Variants in TMEM19 observed in about 807,000 individuals in gnomAD.
TMEM19 encodes transmembrane protein 19.
A neutral mutation model predicts 33.6 loss-of-function variants in TMEM19; 21 were observed. That is an observed-to-expected ratio of 0.62 (90% CI 0.44 to 0.90). TMEM19 has a LOEUF of 0.90. Among genes scored for constraint, TMEM19 ranks in the 40% least tolerant of loss-of-function variants. The probability of loss-of-function intolerance (pLI) is 0.00; values close to 1 mark genes in which losing one functional copy is unlikely to be tolerated. For synonymous variants in TMEM19, 149 were observed against 147.5 expected, an observed-to-expected ratio of 1.01 and a Z score of -0.07; for missense variants, 402 against 401.8, an observed-to-expected ratio of 1.00 and a Z score of 0.00.
intron 5 of TMEM19, 82 bp from the exon 6 acceptor site, chr12:71,700,750 T>TAAAA (rs367801163): frequency 7.3e-6 from 8 of 1,089,182 alleles, no homozygotes; most frequent in Admixed American, 3.4e-5. Flanking sequence ...TAAAGTATAA[T>TAAAA]AAAAAAAAAA....
Position 71,686,712 on chromosome 12 carries a change from G to A in TMEM19, c.32G>A (p.Arg11Lys). ...GATCTTAACGACAATATATGCAAAA[G>A]ATATATAAAGATGATAACTAATATA... is the stretch of plus-strand genomic sequence containing the variant. MTDLNDNICK[R>K]YIKMITNIVI... Residue 11 changes from arginine to lysine, a missense_variant, in exon 1 of 6, where the codon AGA becomes AAA. Arg to Lys is a conservative substitution (Grantham distance 26). Coordinates refer to ENST00000266673, the MANE Select transcript of TMEM19 (RefSeq NM_018279.4). The A allele has an allele frequency of 6.2e-7, 1 of 1,611,388 alleles. No individual in the cohort carries two copies. The highest frequency in any genetic ancestry group is 8.5e-7 in the Non-Finnish European group (1 of 1,179,052).
At chr12:71,687,353 C>T (rs1441817827) in intron 1 of TMEM19, among the ~76,000 whole-genome samples, 1 of 152,076 alleles carries the variant, frequency 6.6e-6, no homozygotes, top group East Asian at 1.9e-4. Flanking sequence ...CCGAGGCGGG[C>T]AAATAACCTG....
chr12:71,688,426 C>A (rs1881728934), intron 1 of TMEM19, among the ~76,000 whole-genome samples: 2 of 152,148 alleles, frequency 1.3e-5, no homozygotes, highest in African/African-American at 4.8e-5. Flanking sequence ...GACAGGGTTT[C>A]ATCATGTTGG....
In TMEM19 at chr12:71,702,725, G is replaced by A. The variant is rs1882001109; in HGVS notation, c.*1730G>A. ...ATTGAGACTTTTTAAAGCTCTGACT[G>A]TACATTGAATCATCATGTAAGGAGT... is the stretch of plus-strand genomic sequence containing the variant. On this transcript the variant is annotated 3_prime_UTR_variant, in exon 6 of 6. Coordinates refer to ENST00000266673, the MANE Select transcript of TMEM19 (RefSeq NM_018279.4). 6.6e-6 allele frequency: 1 copy of A among 152,182 alleles called. No individual in the cohort carries two copies. 9.4% of individuals were successfully genotyped at this position (152,182 alleles called of 1,614,324 possible).
Position 71,701,008 on chromosome 12 carries a change from T to C in TMEM19, c.*13T>C. ...GCCCAGGGGGTGAACTTTATTTCAT[T>C]TCCACAGGTTGAAACTGGTGAGTCC... On this transcript the variant is annotated 3_prime_UTR_variant, in exon 6 of 6. Coordinates refer to ENST00000266673, the MANE Select transcript of TMEM19 (RefSeq NM_018279.4). 6.3e-7 allele frequency: 1 copy of C among 1,598,578 alleles called. No individual in the cohort carries two copies. Among genetic ancestry groups the C allele is most frequent in the Non-Finnish European group, 8.5e-7 (1 of 1,172,420 alleles).
intron 1 of TMEM19, 139 bp downstream of exon 1, chr12:71,686,949 A>G (rs1052198731): frequency 1.3e-5 from 10 of 744,910 alleles, no homozygotes; most frequent in African/African-American, 1.3e-4. Flanking sequence ...GCCTGATTTA[A>G]CTTACTAACA....
At chr12:71,698,851 G>A in intron 4 of TMEM19, 49 bp from the exon 5 acceptor site, 1 of 1,564,418 alleles carries the variant, frequency 6.4e-7, no homozygotes, top group Non-Finnish European at 8.8e-7. Flanking sequence ...TTGCCTTTAT[G>A]TGTTTGCTGA....
At position 71,701,554 on chromosome 12, in the gene TMEM19, C is replaced by T. The variant is rs1490147474; in HGVS notation, c.*559C>T. Reference sequence around the variant, plus strand: ...ATTGGTTCCTAGTGAGTTTTGTGGCCTACTCCACATTTGTTCTTCCTTCCT... The same window carrying T: ...ATTGGTTCCTAGTGAGTTTTGTGGCTTACTCCACATTTGTTCTTCCTTCCT... On this transcript the variant is annotated 3_prime_UTR_variant, in exon 6 of 6. Transcript: ENST00000266673. 6.6e-6 allele frequency: 1 copy of T among 151,976 alleles called. No homozygotes were observed. Among genetic ancestry groups the T allele is most frequent in the Non-Finnish European group, 1.5e-5 (1 of 68,018 alleles). 9.4% of individuals were successfully genotyped at this position (151,976 alleles called of 1,614,324 possible).
chr12:71,686,787 C>T lies in TMEM19; in HGVS notation c.107C>T (p.Ser36Leu), dbSNP rs772279188. 2 of 1,611,880 alleles carry T rather than the reference C, an allele frequency of 1.2e-6. No homozygotes were observed. Among genetic ancestry groups the T allele is most frequent in the Non-Finnish European group, 1.7e-6 (2 of 1,179,514 alleles). Reference protein sequence around the residue: ...ICISLAFWIISMTASTYYGNL... With the variant: ...ICISLAFWIILMTASTYYGNL... ...ATTTCGTTAGCTTTCTGGATTATATCAATGACTGCAAGCACCTATTATGGT... is the reference window on the plus strand; with the variant it reads ...ATTTCGTTAGCTTTCTGGATTATATTAATGACTGCAAGCACCTATTATGGT... Residue 36 changes from serine to leucine, a missense_variant, in exon 1 of 6, where the codon TCA becomes TTA. Physicochemically the swap from Ser to Leu is moderately radical, Grantham distance 145. Transcript: ENST00000266673.
intron 3 of TMEM19, among the ~76,000 whole-genome samples, chr12:71,696,792 G>T (rs904918301): frequency 2.0e-5 from 3 of 151,854 alleles, no homozygotes; most frequent in African/African-American, 7.3e-5. Context: ...GACTACAGGC[G>T]CCTGCAACCA....
chr12:71,694,904 G>A (rs918465703), intron 2 of TMEM19, among the ~76,000 whole-genome samples: 2 of 152,126 alleles, frequency 1.3e-5, no homozygotes, highest in Non-Finnish European at 2.9e-5. Context: ...GGAATTTGGG[G>A]TATAACTCTA....
chr12:71,686,448 T>C lies in TMEM19; in HGVS notation c.-233T>C. On this transcript the variant is annotated 5_prime_UTR_variant, in exon 1 of 6. Coordinates refer to ENST00000266673, the MANE Select transcript of TMEM19 (RefSeq NM_018279.4). ...GACCGGCCCTCACCGTCCGCCGGGT[T>C]GCGCTCTGCTTTTGCGGTGAGGCGT... is the stretch of plus-strand genomic sequence containing the variant. The C allele has an allele frequency of 2.6e-6, 1 of 388,382 alleles. No homozygotes were observed. The highest frequency in any genetic ancestry group is 4.5e-6 in the Non-Finnish European group (1 of 220,086). 24.1% of individuals were successfully genotyped at this position (388,382 alleles called of 1,614,324 possible). A position where few individuals can be genotyped will look rare whatever the true frequency, so the allele number is the denominator to read the frequency against.
chr12:71,703,164 GAGACTCCATCT>G lies in TMEM19; in HGVS notation c.*2181_*2191del, dbSNP rs370533755. 44 of 109,250 alleles carry G rather than the reference GAGACTCCATCT, an allele frequency of 4.0e-4. No homozygotes were observed. Among genetic ancestry groups the G allele is most frequent in the African/African-American group, 1.5e-3 (42 of 28,456 alleles). The allele number at this position is 109,250 out of a possible 1,614,324, so 6.8% of individuals were successfully genotyped here. ...TGTACTCCAGCCTGGGCAACAGAGG[GAGACTCCATCT>G]AGACTCCATCTCAAAAAAAAAAAAA... On this transcript the variant is annotated 3_prime_UTR_variant, in exon 6 of 6. Transcript: ENST00000266673.
At chr12:71,693,456 G>T (rs187716694) in intron 2 of TMEM19, among the ~76,000 whole-genome samples, 3 of 152,184 alleles carry the variant, frequency 2.0e-5, no homozygotes, top group Admixed American at 2.0e-4. Flanking sequence ...TATTATCCTA[G>T]AGTATGACTG....
At chr12:71,700,750 T>TAA (rs367801163) in intron 5 of TMEM19, 82 bp from the exon 6 acceptor site, 1,111 of 1,084,964 alleles carry the variant, frequency 1.0e-3, no homozygotes, top group African/African-American at 1.9e-3. Context: ...TAAAGTATAA[T>TAA]AAAAAAAAAA....
intron 1 of TMEM19, among the ~76,000 whole-genome samples, chr12:71,689,348 A>G (rs954522300): frequency 2.0e-5 from 3 of 152,336 alleles, no homozygotes; most frequent in Admixed American, 2.0e-4. Flanking sequence ...AGTAGGCTCT[A>G]CCATCTAGGT....
chr12:71,696,669 C>T (rs1422093262), intron 3 of TMEM19, 96 bp downstream of exon 3: 33 of 1,126,472 alleles, frequency 2.9e-5, no homozygotes, highest in East Asian at 5.5e-5. Context: ...TTTTTTGAGA[C>T]GGAGTCTTGC....
intron 4 of TMEM19, 105 bp downstream of exon 4, chr12:71,697,639 A>G (rs1881898926): frequency 1.4e-6 from 2 of 1,398,684 alleles, no homozygotes; most frequent in South Asian, 3.1e-5. Flanking sequence ...TGTATTTTAG[A>G]GCCTTTTAAG....
intron 2 of TMEM19, among the ~76,000 whole-genome samples, chr12:71,694,932 T>C (rs1405376847): frequency 6.6e-6 from 1 of 152,190 alleles, no homozygotes; most frequent in Non-Finnish European, 1.5e-5. Flanking sequence ...TGTCAGAAAT[T>C]TGTAGACAGT....
Sources: allele counts gnomAD v4.1 joint callset (sites outside exome capture counted in the v4.1 genomes callset), GRCh38; gene constraint gnomAD v4.1.1; transcripts MANE v1.5; gene names NCBI Gene and HGNC (gene_info 2026-07-23, HGNC 2026-07-21).